The following LYST variants were observed in gnomAD, a reference collection of about 807,000 sequenced individuals.
LYST encodes the protein lysosomal trafficking regulator.
LYST carries 192 observed loss-of-function variants against 413.6 expected under a neutral mutation model. The ratio of observed to expected loss-of-function variants is 0.46; its 90% confidence interval spans 0.41 to 0.52. The LOEUF (loss-of-function observed/expected upper bound fraction) is 0.52. LYST is among the 20% of genes least tolerant of loss of function. The probability of loss-of-function intolerance (pLI) is 0.00; values close to 1 mark genes in which losing one functional copy is unlikely to be tolerated. For synonymous variants in LYST, 1,525 were observed against 1,567.3 expected (o/e 0.97, Z 0.64); for missense variants, 3,815 against 4,499.9 (o/e 0.85, Z 4.35).
intron 42 of LYST, 88 bp from the exon 43 acceptor site, chr1:235,712,285 A>G (rs1662460500): frequency 1.6e-5 from 15 of 937,242 alleles, no homozygotes; most frequent in Non-Finnish European, 3.2e-6. Flanking sequence ...TTGCCACTTC[A>G]AAAAGATTAA....
In LYST at chr1:235,806,391, A is replaced by G; in HGVS notation, c.2745T>C (p.Ser915=). ...CTGAGTCATTGGCCGACTCCCTGTCAGACTCTGCTTCTTTACTTACGCATA... is the reference window on the plus strand; with the variant it reads ...CTGAGTCATTGGCCGACTCCCTGTCGGACTCTGCTTCTTTACTTACGCATA... ...AFLCVSKEAE[S]DRESANDSED... Residue 915 remains serine (S), a synonymous_variant, in exon 6 of 53, where the codon TCT becomes TCC. Transcript: ENST00000389793. 6.2e-7 allele frequency: 1 copy of G among 1,614,094 alleles called. No individual in the cohort carries two copies. The highest frequency in any genetic ancestry group is 8.5e-7 in the Non-Finnish European group (1 of 1,180,008).
At chr1:235,877,530 C>T (rs1157963958) in intron 1 of LYST, among the ~76,000 whole-genome samples, 1 of 152,112 alleles carries the variant, frequency 6.6e-6, no homozygotes, top group African/African-American at 2.4e-5. Flanking sequence ...CCTCTGCCTC[C>T]CGAGTAGCTG....
intron 1 of LYST, among the ~76,000 whole-genome samples, chr1:235,874,501 T>C (rs1321430769): frequency 6.6e-6 from 1 of 152,204 alleles, no homozygotes; most frequent in East Asian, 1.9e-4. Flanking sequence ...GCCTCTAAAC[T>C]TGAGACTTAA....
chr1:235,769,338 A>C (rs1471625158), intron 20 of LYST, among the ~76,000 whole-genome samples: 8 of 152,182 alleles, frequency 5.3e-5, no homozygotes, highest in Middle Eastern at 3.4e-3. Context: ...GAGTACCATA[A>C]GATGAAGCTA....
intron 23 of LYST, 60 bp downstream of exon 23, chr1:235,758,912 G>A (rs1460796230): frequency 4.9e-5 from 74 of 1,519,112 alleles, no homozygotes; most frequent in Non-Finnish European, 6.7e-5. Flanking sequence ...CAGAGGGGTA[G>A]AGAGTCTTTA....
intron 45 of LYST, among the ~76,000 whole-genome samples, chr1:235,700,382 C>T (rs910954408): frequency 1.3e-5 from 2 of 151,972 alleles, no homozygotes; most frequent in Non-Finnish European, 2.9e-5. Flanking sequence ...TACAAATTTA[C>T]AAGAAAAAAA....
intron 1 of LYST, among the ~76,000 whole-genome samples, chr1:235,864,847 T>C (rs547738971): frequency 1.3e-5 from 2 of 152,310 alleles, no homozygotes; most frequent in South Asian, 4.1e-4. Context: ...GAGGATCACC[T>C]GAGCCTGGGA....
At position 235,698,347 on chromosome 1, in the gene LYST, A is replaced by T. The variant is rs1040602046; in HGVS notation, c.10375-1075T>A. 3.3e-5 allele frequency among the ~76,000 whole-genome samples: 5 copies of T among 152,362 alleles called. No individual in the cohort carries two copies. In the East Asian group the frequency reaches 5.8e-4, roughly 18 times the overall value. On this transcript the variant is annotated intron_variant, in intron 45 of 52. Coordinates refer to ENST00000389793, the MANE Select transcript of LYST (RefSeq NM_000081.4). ...TGACGTATAGACTATCTTTTAAAAA[A>T]ATCGTGCCACTTTAGGAGCTCTAAT...
At chr1:235,748,324 G>C (rs1283283522) in intron 28 of LYST, among the ~76,000 whole-genome samples, 1 of 151,830 alleles carries the variant, frequency 6.6e-6, no homozygotes, top group African/African-American at 2.4e-5. Context: ...CTAATAAGCA[G>C]ACAAGTAAAA....
At position 235,777,143 on chromosome 1, in the gene LYST, G is replaced by A; in HGVS notation, c.5380C>T (p.Gln1794Ter). The A allele has an allele frequency of 6.2e-7, 1 of 1,613,024 alleles. No individual in the cohort carries two copies. The highest frequency in any genetic ancestry group is 8.5e-7 in the Non-Finnish European group (1 of 1,179,146). Residue 1794 changes from glutamine (Q) to a stop codon, truncating the protein, a stop_gained, in exon 17 of 53, where the codon CAA (glutamine) becomes TAA (stop). Coordinates refer to ENST00000389793, the MANE Select transcript of LYST (RefSeq NM_000081.4). LOFTEE classifies it high-confidence loss of function. ...LLEPHHLKNL[Q>*]PTEYKTIQGI... ...TGAATAGTTTTATATTCAGTAGGTT[G>A]GAGATTCTTTAGATGATGAGGTTCT...
intron 50 of LYST, among the ~76,000 whole-genome samples, chr1:235,673,463 G>A (rs1289496215): frequency 3.3e-5 from 5 of 152,002 alleles, no homozygotes; most frequent in Non-Finnish European, 7.4e-5. Context: ...TGTTCTCAAT[G>A]GGCATATGTT....
At chr1:235,740,929 C>G (rs1572117013) in intron 31 of LYST, among the ~76,000 whole-genome samples, 1 of 152,256 alleles carries the variant, frequency 6.6e-6, no homozygotes, top group East Asian at 1.9e-4. Flanking sequence ...TTCCAACTAC[C>G]ACTCTTGAAG....
chr1:235,715,449 A>G (rs1662755441), intron 41 of LYST, 92 bp from the exon 42 acceptor site: 2 of 1,239,888 alleles, frequency 1.6e-6, no homozygotes, highest in Non-Finnish European at 2.3e-6. Context: ...CTCCTTCTCT[A>G]CTACCCCTTT....
intron 3 of LYST, among the ~76,000 whole-genome samples, chr1:235,814,072 A>G (rs1673775515): frequency 6.6e-6 from 1 of 152,210 alleles, no homozygotes; most frequent in Non-Finnish European, 1.5e-5. Flanking sequence ...AATAACTTGC[A>G]GTTGATTATC....
chr1:235,764,215 A>G (rs532533443), intron 21 of LYST, among the ~76,000 whole-genome samples: 1 of 152,246 alleles, frequency 6.6e-6, no homozygotes, highest in African/African-American at 2.4e-5. Flanking sequence ...GCTCTATGCT[A>G]CCAGAAAACA....
At chr1:235,799,618 A>G (rs1671970794) in intron 10 of LYST, among the ~76,000 whole-genome samples, 1 of 152,200 alleles carries the variant, frequency 6.6e-6, no homozygotes, top group South Asian at 2.1e-4. Context: ...TCCAACTAAA[A>G]TTTAGATTTC....
At chr1:235,836,523 G>C (rs922435770) in intron 1 of LYST, among the ~76,000 whole-genome samples, 2 of 152,172 alleles carry the variant, frequency 1.3e-5, no homozygotes, top group Admixed American at 1.3e-4. Context: ...TCTGGGAAAC[G>C]TGCGTTCCAA....
rs77794257 is a variant in LYST at position 235,738,016 on chromosome 1, A to G, written c.8359-3357T>C. 1,244 of 1,522,520 alleles carry G rather than the reference A, an allele frequency of 8.2e-4. 8 individuals are homozygous for G. In the African/African-American group the frequency reaches 0.014, roughly 18 times the overall value. 94.3% of individuals were successfully genotyped at this position (1,522,520 alleles called of 1,614,324 possible). A position where few individuals can be genotyped will look rare whatever the true frequency, so the allele number is the denominator to read the frequency against. On this transcript the variant is annotated intron_variant, in intron 31 of 52. Transcript: ENST00000389793. Reference sequence around the variant, plus strand: ...TATACTCTCAAGTATACGCTCAAGGATCAGCTTATTCACAGTCTTCTAAAG... The same window carrying G: ...TATACTCTCAAGTATACGCTCAAGGGTCAGCTTATTCACAGTCTTCTAAAG...
chr1:235,763,476 A>G (rs1667797371), intron 21 of LYST, among the ~76,000 whole-genome samples: 1 of 152,114 alleles, frequency 6.6e-6, no homozygotes, highest in Non-Finnish European at 1.5e-5. Flanking sequence ...TTTTTGAGAC[A>G]GTCTTGCTCT....
Sources: allele counts gnomAD v4.1 joint callset (sites outside exome capture counted in the v4.1 genomes callset), GRCh38; gene constraint gnomAD v4.1.1; transcripts MANE v1.5; gene names NCBI Gene and HGNC (gene_info 2026-07-23, HGNC 2026-07-21).